SYDE2: variants seen among roughly 807,000 people sequenced by gnomAD.
SYDE2 encodes synapse defective Rho GTPase homolog 2, also known as rho GTPase-activating protein SYDE2.
Under a neutral mutation model 91.5 loss-of-function variants are expected in SYDE2, and 76 were observed. That is an observed-to-expected ratio of 0.83 (90% CI 0.69 to 1.01). The LOEUF (loss-of-function observed/expected upper bound fraction) is 1.01, where lower values mean the gene tolerates loss of function less well. Among genes scored for constraint, SYDE2 ranks in the 50% least tolerant of loss-of-function variants. SYDE2 has a pLI of 0.00. For synonymous variants in SYDE2, 513 were observed against 506.4 expected, an observed-to-expected ratio of 1.01 and a Z score of -0.18; for missense variants, 1,364 against 1,367.7, an observed-to-expected ratio of 1.00 and a Z score of 0.04.
At chr1:85,174,385 G>C (rs1212975488) in intron 4 of SYDE2, among the ~76,000 whole-genome samples, 1 of 152,048 alleles carries the variant, frequency 6.6e-6, no homozygotes, top group East Asian at 1.9e-4. Context: ...TTCTTTTCAA[G>C]AGCTCAAATG....
chr1:85,192,590 A>G (rs1408625536), intron 1 of SYDE2, among the ~76,000 whole-genome samples: 1 of 152,176 alleles, frequency 6.6e-6, no homozygotes, highest in Non-Finnish European at 1.5e-5. Flanking sequence ...ATGAATACCT[A>G]CTATGCCAGG....
Position 85,182,334 on chromosome 1 carries a change from A to ATTAAT in SYDE2, c.2307_2308insATTAA (p.Phe770IlefsTer5). ...AACTGATGAGTCTTTGTCACTCTAA[A>ATTAAT]TAAGGTGGGAAGAACAACAGTTCCA... On this transcript the variant is annotated frameshift_variant, in exon 3 of 7. Coordinates refer to ENST00000341460, the MANE Select transcript of SYDE2 (RefSeq NM_032184.2). LOFTEE classifies it high-confidence loss of function. 6.2e-6 allele frequency: 10 copies of ATTAAT among 1,613,896 alleles called. No individual in the cohort carries two copies. Among genetic ancestry groups the ATTAAT allele is most frequent in the Non-Finnish European group, 8.5e-6 (10 of 1,179,846 alleles).
chr1:85,172,490 A>C (rs2100657298), intron 4 of SYDE2, among the ~76,000 whole-genome samples: 1 of 152,306 alleles, frequency 6.6e-6, no homozygotes, highest in East Asian at 1.9e-4. Flanking sequence ...CAGGCTAGAA[A>C]GGCAGACCAG....
At chr1:85,191,489 G>A (rs980659963) in intron 1 of SYDE2, among the ~76,000 whole-genome samples, 3 of 152,182 alleles carry the variant, frequency 2.0e-5, no homozygotes, top group African/African-American at 7.2e-5. Flanking sequence ...GCCCTGCGCA[G>A]TGGCTAATGC....
At chr1:85,194,793 T>A in intron 1 of SYDE2, 1 of 979,604 alleles carries the variant, frequency 1.0e-6, no homozygotes, top group Non-Finnish European at 1.2e-6. Flanking sequence ...TTACTGAACA[T>A]TTAACTAGTG....
At chr1:85,173,630 A>C (rs997518687) in intron 4 of SYDE2, among the ~76,000 whole-genome samples, 2 of 152,340 alleles carry the variant, frequency 1.3e-5, no homozygotes, top group African/African-American at 4.8e-5. Context: ...CTTTGCAAGT[A>C]ACGTACTTGC....
intron 1 of SYDE2, 43 bp from the exon 2 acceptor site, chr1:85,190,795 A>G (rs374096437): frequency 2.6e-5 from 38 of 1,490,022 alleles, no homozygotes; most frequent in Non-Finnish European, 3.4e-5. Flanking sequence ...AATGGCTGGT[A>G]TATCAGAAAG....
chr1:85,195,756 C>G (rs1462793408), intron 1 of SYDE2, among the ~76,000 whole-genome samples: 3 of 152,174 alleles, frequency 2.0e-5, no homozygotes, highest in African/African-American at 7.2e-5. Context: ...CAAGGCAGTA[C>G]TCCTCAACTT....
chr1:85,157,232 A>T lies in SYDE2; in HGVS notation c.*1518T>A, dbSNP rs570262965. 6.6e-6 allele frequency: 1 copy of T among 152,206 alleles called. No homozygotes were observed. The highest frequency in any genetic ancestry group is 6.5e-5 in the Admixed American group (1 of 15,302). The allele number at this position is 152,206 out of a possible 1,614,324, so 9.4% of individuals were successfully genotyped here. A position where few individuals can be genotyped will look rare whatever the true frequency, so the allele number is the denominator to read the frequency against. The stretch of plus-strand genomic sequence containing the variant: ...CCATGTCTTAAAAGTTGGTAACTTA[A>T]AGTCTATTTATAATTTTAAAATTAC... On this transcript the variant is annotated 3_prime_UTR_variant, in exon 7 of 7. Transcript: ENST00000341460.
chr1:85,169,313 T>C, intron 4 of SYDE2, 88 bp from the exon 5 acceptor site: 1 of 953,360 alleles, frequency 1.0e-6, no homozygotes, highest in Non-Finnish European at 1.5e-6. Flanking sequence ...TTAAGTATTA[T>C]AGCCAACTTT....
chr1:85,199,092 C>A (rs1297745906), intron 1 of SYDE2, among the ~76,000 whole-genome samples: 2 of 152,128 alleles, frequency 1.3e-5, no homozygotes, highest in African/African-American at 4.8e-5. Context: ...GTTTTGTGAA[C>A]TTTGTTTCTC....
rs780295732 is a variant in SYDE2 at position 85,182,895 on chromosome 1, CGG to C, written c.1745_1746del (p.Thr582SerfsTer3). 28 of 1,613,472 alleles carry C rather than the reference CGG, an allele frequency of 1.7e-5. No individual in the cohort carries two copies. The Admixed American group carries it at 4.5e-4, about 26-fold the overall frequency. ...CGGCTTATAACATTCCTCTTAGCAG[CGG>C]TGGTTGTGTTCCCAGAGGGCAGAAT... is the stretch of plus-strand genomic sequence containing the variant. ...TDILPSGNTT[T>X]AAKRNVISRY... On this transcript the variant is annotated frameshift_variant, in exon 3 of 7. Transcript: ENST00000341460. LOFTEE classifies it high-confidence loss of function.
rs557694046 is a variant in SYDE2, at chr1:85,189,641, G to T, written c.1441+416C>A. ...GTTTGAGGTCAGGAGTTCAAGACCA[G>T]CCTGGTCAACAAAGCAAAACCCTGT... On this transcript the variant is annotated intron_variant, in intron 2 of 6. Coordinates refer to ENST00000341460, the MANE Select transcript of SYDE2 (RefSeq NM_032184.2). Among the ~76,000 whole-genome samples the T allele has an allele frequency of 9.2e-5, 14 of 152,276 alleles. No individual in the cohort carries two copies. In the South Asian group the frequency reaches 2.9e-3, roughly 32 times the overall value.
At position 85,200,287 on chromosome 1, in the gene SYDE2, AG is replaced by A; in HGVS notation, c.709del (p.Leu237CysfsTer11). On this transcript the variant is annotated frameshift_variant, in exon 1 of 7. Transcript: ENST00000341460. LOFTEE classifies it high-confidence loss of function. ...GALKVRENRV[L>X]SVPPDQRITL... Reference sequence around the variant, plus strand: ...AATTCTTTGGTCTGGAGGCACCGACAGGACACGGTTTTCACGCACTTTCAAA... The same window carrying A: ...AATTCTTTGGTCTGGAGGCACCGACAGACACGGTTTTCACGCACTTTCAAA... 6.2e-7 allele frequency: 1 copy of A among 1,614,014 alleles called. No individual in the cohort carries two copies. The highest frequency in any genetic ancestry group is 8.5e-7 in the Non-Finnish European group (1 of 1,179,894).
At position 85,190,162 on chromosome 1, in the gene SYDE2, C is replaced by A. The variant is rs745515840; in HGVS notation, c.1336G>T (p.Ala446Ser). ...TGCTGCACAAATTCTGTGGAATGGG[C>A]AGGATGTATAGGATTCATTCCATTT... ...RSNGMNPIHP[A>S]HSTEFVQQYK... The change falls in exon 2 of 7, where the codon GCC becomes TCC. Residue 446 changes from alanine to serine, a missense_variant. By Grantham distance (99) the Ala-to-Ser change is moderately conservative. Transcript: ENST00000341460. The A allele has an allele frequency of 1.2e-6, 2 of 1,613,962 alleles. No homozygotes were observed. Among genetic ancestry groups the A allele is most frequent in the South Asian group, 2.2e-5 (2 of 91,074 alleles).
intron 6 of SYDE2, among the ~76,000 whole-genome samples, chr1:85,163,922 T>C (rs375251574): frequency 1.1e-4 from 16 of 152,264 alleles, no homozygotes; most frequent in African/African-American, 2.4e-4. Flanking sequence ...TAGTTATTGA[T>C]TGAAATAAGG....
In SYDE2 at chr1:85,200,243, G is replaced by T. The variant is rs769761171; in HGVS notation, c.745+9C>A. 1.2e-6 allele frequency: 2 copies of T among 1,613,854 alleles called. No individual in the cohort carries two copies. Among genetic ancestry groups the T allele is most frequent in the South Asian group, 2.2e-5 (2 of 91,078 alleles). On this transcript the variant is annotated intron_variant, in intron 1 of 6. Transcript: ENST00000341460. Reference sequence around the variant, plus strand: ...GCGGTGCTAGCATTTTCATCGCAAAGTATCCTACCTGTCAGCGTAATTCTT... The same window carrying T: ...GCGGTGCTAGCATTTTCATCGCAAATTATCCTACCTGTCAGCGTAATTCTT...
chr1:85,200,962 C>A lies in SYDE2; in HGVS notation c.35G>T (p.Arg12Leu). Residue 12 changes from arginine to leucine, a missense_variant, in exon 1 of 7, where the codon CGG becomes CTG. By Grantham distance (102) the Arg-to-Leu change is moderately radical. Transcript: ENST00000341460. ...GTGATCCGCCAAGCCCCTGCCGCCCCGCCGCGCGCCCGAGTCAGGGGGCAG... is the reference window on the plus strand; with the variant it reads ...GTGATCCGCCAAGCCCCTGCCGCCCAGCCGCGCGCCCGAGTCAGGGGGCAG... ...HDLPPDSGARRGGRGLADHSF... is the reference protein window; with the variant it reads ...HDLPPDSGARLGGRGLADHSF... The A allele has an allele frequency of 1.5e-6, 2 of 1,296,674 alleles. No homozygotes were observed. The highest frequency in any genetic ancestry group is 3.0e-5 in the South Asian group (1 of 33,382). The allele number at this position is 1,296,674 out of a possible 1,614,324, so 80.3% of individuals were successfully genotyped here.
chr1:85,163,296 C>T (rs908066995), intron 6 of SYDE2, among the ~76,000 whole-genome samples: 35 of 151,016 alleles, frequency 2.3e-4, no homozygotes, highest in African/African-American at 8.0e-4. Context: ...TTAATGGAGG[C>T]GGGGTTTCAC....
Sources: gnomAD v4.1 joint callset for allele counts (sites outside exome capture counted in the v4.1 genomes callset) on GRCh38, gnomAD v4.1.1 for gene constraint, MANE v1.5 for transcripts, NCBI Gene and HGNC (gene_info 2026-07-23, HGNC 2026-07-21) for gene names.